Variants in ADGRD1 observed in about 807,000 individuals in gnomAD.
ADGRD1 encodes G-protein coupled receptor 133.
ADGRD1 carries 77 observed loss-of-function variants against 113.4 expected under a neutral mutation model. The ratio of observed to expected loss-of-function variants is 0.68; its 90% confidence interval spans 0.57 to 0.82. The LOEUF is 0.82. Among genes scored for constraint, ADGRD1 ranks in the 40% least tolerant of loss-of-function variants. The pLI, the probability that ADGRD1 is intolerant of heterozygous loss-of-function variation, is 0.00. For synonymous variants in ADGRD1, 474 were observed against 475.0 expected, an observed-to-expected ratio of 1.00 and a Z score of 0.03; for missense variants, 1,036 against 1,139.1, an observed-to-expected ratio of 0.91 and a Z score of 1.30.
chr12:131,095,290 G>T (rs76753205), intron 15 of ADGRD1, among the ~76,000 whole-genome samples: 1 of 152,254 alleles, frequency 6.6e-6, no homozygotes. Flanking sequence ...GCAGGGAGAC[G>T]TAGCTTCAAG....
In ADGRD1 at chr12:131,140,045, A is replaced by C. The variant is rs1951206509; in HGVS notation, c.*782A>C. 6.6e-6 allele frequency: 1 copy of C among 152,336 alleles called. No homozygotes were observed. The highest frequency in any genetic ancestry group is 1.9e-4 in the East Asian group (1 of 5,160). 9.4% of individuals were successfully genotyped at this position (152,336 alleles called of 1,614,324 possible). A position where few individuals can be genotyped will look rare whatever the true frequency, so the allele number is the denominator to read the frequency against. On this transcript the variant is annotated 3_prime_UTR_variant, in exon 25 of 25. Coordinates refer to ENST00000261654, the MANE Select transcript of ADGRD1 (RefSeq NM_198827.5). ...GGGAGCTTCTCGGCCATCCGCTGTG[A>C]GTTTTGCCTCTTTGGACCCCAATTC...
chr12:131,051,473 C>T (rs1277343325), intron 13 of ADGRD1, among the ~76,000 whole-genome samples: 1 of 57,142 alleles, frequency 1.8e-5, no homozygotes, highest in Non-Finnish European at 3.2e-5. Flanking sequence ...TGTTTTCTTT[C>T]TTTCTTTCTT....
chr12:131,001,555 T>TA (rs1369448951), intron 9 of ADGRD1, among the ~76,000 whole-genome samples: 1 of 152,226 alleles, frequency 6.6e-6, no homozygotes, highest in Non-Finnish European at 1.5e-5. Flanking sequence ...AACACTGTAT[T>TA]AGTCAGGACA....
At chr12:130,958,384 G>GA (rs1264486612) in intron 2 of ADGRD1, among the ~76,000 whole-genome samples, 5 of 152,106 alleles carry the variant, frequency 3.3e-5, no homozygotes, top group Admixed American at 3.3e-4. Flanking sequence ...ATTTTTAGTA[G>GA]AGACGGGGTT....
At chr12:131,011,289 G>T (rs773498251) in intron 12 of ADGRD1, among the ~76,000 whole-genome samples, 1 of 151,276 alleles carries the variant, frequency 6.6e-6, no homozygotes, top group South Asian at 2.1e-4. Context: ...ATCTGGCGTC[G>T]CACTGATTAC....
At chr12:131,032,042 A>G (rs1880823009) in intron 13 of ADGRD1, among the ~76,000 whole-genome samples, 1 of 152,152 alleles carries the variant, frequency 6.6e-6, no homozygotes, top group African/African-American at 2.4e-5. Flanking sequence ...TGTGCCCCAC[A>G]GATAGAGGGG....
At position 131,057,617 on chromosome 12, in the gene ADGRD1, G is replaced by A. The variant is rs1191041319; in HGVS notation, c.1474-19184G>A. Among the ~76,000 whole-genome samples the A allele has an allele frequency of 4.6e-5, 7 of 152,162 alleles. No individual in the cohort carries two copies. Among genetic ancestry groups the A allele is most frequent in the African/African-American group, 7.2e-5 (3 of 41,442 alleles). ...CTCCCCACGGCCTCCTCTTCCGTGT[G>A]TCATTGTCCTTTCCCGCAGTGTACG... On this transcript the variant is annotated intron_variant, in intron 13 of 24. Coordinates refer to ENST00000261654, the MANE Select transcript of ADGRD1 (RefSeq NM_198827.5). The surrounding 1 kb of genome is among the most constrained non-coding windows in gnomAD (Gnocchi z 4.2).
At chr12:130,986,722 C>G (rs143742528) in intron 5 of ADGRD1, 2,539 of 225,376 alleles carry the variant, frequency 0.011, 37 homozygotes, top group Middle Eastern at 0.036. Context: ...ACATCCTTGT[C>G]TCGCTCCTGA....
chr12:130,997,095 C>T (rs1418934639), intron 8 of ADGRD1, among the ~76,000 whole-genome samples: 3 of 123,072 alleles, frequency 2.4e-5, no homozygotes, highest in African/African-American at 6.2e-5. Context: ...CGGGCAGAGG[C>T]ACCCCTCACC....
chr12:131,071,964 G>A (rs533578034), intron 13 of ADGRD1, among the ~76,000 whole-genome samples: 3 of 150,846 alleles, frequency 2.0e-5, no homozygotes, highest in East Asian at 1.9e-4. Flanking sequence ...ACTGAGAGCC[G>A]CGTGACTGGG....
intron 8 of ADGRD1, among the ~76,000 whole-genome samples, chr12:130,996,958 G>A (rs1462633915): frequency 7.3e-6 from 1 of 137,120 alleles, no homozygotes; most frequent in Non-Finnish European, 1.6e-5. Context: ...GCCGGGTGGG[G>A]GGCTGACCCC....
chr12:131,105,678 C>G, intron 16 of ADGRD1, 76 bp from the exon 17 acceptor site: 1 of 1,102,168 alleles, frequency 9.1e-7, no homozygotes, highest in Non-Finnish European at 1.3e-6. Flanking sequence ...ATAGGGACTT[C>G]GTGGGGCCAG....
chr12:131,066,738 G>A (rs758655187), intron 13 of ADGRD1, among the ~76,000 whole-genome samples: 21 of 152,188 alleles, frequency 1.4e-4, no homozygotes, highest in Non-Finnish European at 2.8e-4. Context: ...GCTGCCCTGA[G>A]GAGTGGCCAC....
At chr12:131,001,391 A>C (rs1326640346) in intron 9 of ADGRD1, among the ~76,000 whole-genome samples, 1 of 152,236 alleles carries the variant, frequency 6.6e-6, no homozygotes, top group African/African-American at 2.4e-5. Context: ...CAAATCCTAA[A>C]ACTGAGATTA....
chr12:131,040,476 T>A (rs952738102), intron 13 of ADGRD1, among the ~76,000 whole-genome samples: 2 of 152,234 alleles, frequency 1.3e-5, no homozygotes, highest in African/African-American at 4.8e-5. Flanking sequence ...AAAAATGCAT[T>A]ATATACTTAA....
chr12:131,044,743 T>TAC (rs1406443937), intron 13 of ADGRD1, among the ~76,000 whole-genome samples: 2 of 152,194 alleles, frequency 1.3e-5, no homozygotes, highest in Non-Finnish European at 1.5e-5. Flanking sequence ...AGTTTCTTTT[T>TAC]ACACACACAC....
chr12:131,065,290 A>G (rs1884633146), intron 13 of ADGRD1, among the ~76,000 whole-genome samples: 1 of 152,220 alleles, frequency 6.6e-6, no homozygotes, highest in African/African-American at 2.4e-5. Context: ...GAGTGAAAAC[A>G]CACCTGTTGG....
rs192402472 is a variant in ADGRD1, at chr12:131,115,073, A to G, written c.2042-3312A>G. On this transcript the variant is annotated intron_variant, in intron 18 of 24. Coordinates refer to ENST00000261654, the MANE Select transcript of ADGRD1 (RefSeq NM_198827.5). ...CACTTTCATTCCAGAGAGATTGCGT[A>G]ATGCCATGATCACAGGAGGGGGATC... is the stretch of plus-strand genomic sequence containing the variant. Among the ~76,000 whole-genome samples the G allele has an allele frequency of 7.0e-4, 106 of 152,288 alleles. 1 individual carries two copies. Among genetic ancestry groups the G allele is most frequent in the Admixed American group, 6.9e-3 (105 of 15,302 alleles).
At chr12:130,961,820 T>A (rs1274672479) in intron 2 of ADGRD1, among the ~76,000 whole-genome samples, 4 of 152,132 alleles carry the variant, frequency 2.6e-5, no homozygotes, top group Non-Finnish European at 5.9e-5. Context: ...TTTTGATAGA[T>A]TTTGCTTTAA....
Sources: gnomAD v4.1 joint callset for allele counts (sites outside exome capture counted in the v4.1 genomes callset) on GRCh38, gnomAD v4.1.1 for gene constraint, Gnocchi (gnomAD v3.1) non-coding constraint, MANE v1.5 for transcripts, NCBI Gene and HGNC (gene_info 2026-07-23, HGNC 2026-07-21) for gene names.